Variants in DRP2 observed in about 807,000 individuals in gnomAD.
The protein encoded by DRP2 is dystrophin-related protein 2.
Under a neutral mutation model 78.2 loss-of-function variants are expected in DRP2, and 29 were observed. The ratio of observed to expected loss-of-function variants is 0.37; its 90% CI spans 0.28 to 0.51. The LOEUF is 0.51. Among genes scored for constraint, DRP2 ranks in the 20% least tolerant of loss-of-function variants. The probability of loss-of-function intolerance (pLI) is 0.94; values close to 1 mark genes in which losing one functional copy is unlikely to be tolerated. For synonymous variants in DRP2, 290 were observed against 281.9 expected, an observed-to-expected ratio of 1.03 and a Z score of -0.29; for missense variants, 686 against 770.6, an observed-to-expected ratio of 0.89 and a Z score of 1.30.
chrX:101,243,375 C>T (rs1336305368), intron 9 of DRP2, among the ~76,000 whole-genome samples: 1 of 89,381 alleles, frequency 1.1e-5, no homozygotes, highest in Non-Finnish European at 2.1e-5. Flanking sequence ...GCAGCCTGGG[C>T]GATAAGGATG....
At chrX:101,231,406 C>T (rs1243045423) in intron 2 of DRP2, 179 bp from the exon 3 acceptor site, 2 of 393,946 alleles carry the variant, frequency 5.1e-6, no homozygotes, top group African/African-American at 5.1e-5. Flanking sequence ...TATAGGTAAA[C>T]AATAAATGCT....
intron 3 of DRP2, among the ~76,000 whole-genome samples, chrX:101,234,052 G>A (rs908429819): frequency 1.8e-5 from 2 of 111,746 alleles, no homozygotes; most frequent in African/African-American, 3.3e-5. Flanking sequence ...CCTGCTTGCC[G>A]ATGCTGCCAT....
intron 22 of DRP2, among the ~76,000 whole-genome samples, chrX:101,258,965 A>G (rs1923450896): frequency 8.9e-6 from 1 of 112,312 alleles, no homozygotes; most frequent in Admixed American, 9.4e-5. Context: ...GAGAAAGATT[A>G]GTGCTATCTA....
chrX:101,231,807 A>G, intron 3 of DRP2, 43 bp downstream of exon 3: 1 of 1,114,860 alleles, frequency 9.0e-7, no homozygotes, highest in Non-Finnish European at 1.2e-6. Context: ...GAGAAAGTGG[A>G]CACAGGATCT....
At position 101,263,575 on chromosome X, in the gene DRP2, G is replaced by T. The variant is rs1923637100; in HGVS notation, c.*2954G>T. 1 of 112,225 alleles carries T rather than the reference G, an allele frequency of 8.9e-6. No individual in the cohort carries two copies. Among genetic ancestry groups the T allele is most frequent in the Non-Finnish European group, 1.9e-5 (1 of 53,222 alleles). The allele number at this position is 112,225 out of a possible 1,213,427, so 9.2% of individuals were successfully genotyped here. On this transcript the variant is annotated 3_prime_UTR_variant, in exon 24 of 24. Transcript: ENST00000395209. ...AGCAGAGTGGATTCACATTGATTGG[G>T]CATTGTCACGGAAGGCTGACTAGCT...
At position 101,244,249 on chromosome X, in the gene DRP2, G is replaced by A. The variant is rs142682032; in HGVS notation, c.1055-768G>A. On this transcript the variant is annotated intron_variant, in intron 9 of 23. Coordinates refer to ENST00000395209, the MANE Select transcript of DRP2 (RefSeq NM_001939.3). ...AATAATCCAGGTGAGGGATTATGGT[G>A]GCCCAGACTAGGGGGCTGGTAGCAG... Among the ~76,000 whole-genome samples the A allele has an allele frequency of 9.8e-4, 109 of 111,576 alleles. No individual in the cohort carries two copies. The East Asian group carries it at 0.015, about 15-fold the overall frequency.
At chrX:101,236,108 G>A (rs1402946141) in intron 4 of DRP2, 85 bp downstream of exon 4, 10 of 1,039,569 alleles carry the variant, frequency 9.6e-6, no homozygotes, top group Non-Finnish European at 1.3e-5. Flanking sequence ...CTCTCAGCCT[G>A]TGCATCCCCC....
intron 3 of DRP2, among the ~76,000 whole-genome samples, chrX:101,234,261 C>T (rs1343670053): frequency 8.9e-6 from 1 of 112,854 alleles, no homozygotes; most frequent in African/African-American, 3.2e-5. Flanking sequence ...AGAGTGAGCC[C>T]TTTGTGTCTT....
chrX:101,260,639 C>T lies in DRP2; in HGVS notation c.*18C>T. The stretch of plus-strand genomic sequence containing the variant: ...CCTCTTGATGGAGCCAGATCCCCAT[C>T]CTATAGTTCATAGTCCTCTCCTGGT... On this transcript the variant is annotated 3_prime_UTR_variant, in exon 24 of 24. Coordinates refer to ENST00000395209, the MANE Select transcript of DRP2 (RefSeq NM_001939.3). 1.7e-6 allele frequency: 2 copies of T among 1,201,541 alleles called. No homozygotes were observed. Among genetic ancestry groups the T allele is most frequent in the African/African-American group, 3.5e-5 (2 of 57,515 alleles).
chrX:101,253,539 CCTTT>C (rs1923215970), intron 17 of DRP2, among the ~76,000 whole-genome samples: 1 of 83,924 alleles, frequency 1.2e-5, no homozygotes, highest in Non-Finnish European at 2.2e-5. Flanking sequence ...TTTACTTTCA[CCTTT>C]TTTTTTTTTT....
intron 17 of DRP2, among the ~76,000 whole-genome samples, chrX:101,253,540 CTTTTTTT>C (rs138161868): frequency 3.7e-5 from 2 of 53,576 alleles, no homozygotes; most frequent in South Asian, 9.5e-4. Flanking sequence ...TTACTTTCAC[CTTTTTTT>C]TTTTTTTTTT....
rs189063995 is a variant in DRP2 at position 101,227,766 on chromosome X, A to C, written c.-64+3060A>C. 1.9e-4 allele frequency among the ~76,000 whole-genome samples: 21 copies of C among 112,057 alleles called. 1 individual carries two copies. The highest frequency in any genetic ancestry group is 1.1e-3 in the Admixed American group (12 of 10,535). ...GATAGTCATTTTAGGACCAGAAGAAATCTATTCCTTTTCTGCCTGTGTTAG... is the reference window on the plus strand; with the variant it reads ...GATAGTCATTTTAGGACCAGAAGAACTCTATTCCTTTTCTGCCTGTGTTAG... On this transcript the variant is annotated intron_variant, in intron 2 of 23. Coordinates refer to ENST00000395209, the MANE Select transcript of DRP2 (RefSeq NM_001939.3).
chrX:101,225,211 T>A (rs1453520739), intron 2 of DRP2, among the ~76,000 whole-genome samples: 2 of 111,299 alleles, frequency 1.8e-5, no homozygotes, highest in Admixed American at 9.6e-5. Flanking sequence ...ATTGCTTGTG[T>A]CTTTGCCTGG....
At chrX:101,248,412 G>C in intron 13 of DRP2, 102 bp from the exon 14 acceptor site, 1 of 1,108,472 alleles carries the variant, frequency 9.0e-7, no homozygotes, top group Non-Finnish European at 1.2e-6. Flanking sequence ...GGGCATGGTT[G>C]GAACAGGGCC....
chrX:101,232,344 G>A (rs1922336671), intron 3 of DRP2, among the ~76,000 whole-genome samples: 1 of 111,431 alleles, frequency 9.0e-6, no homozygotes, highest in African/African-American at 3.3e-5. Context: ...ACAGTAGAGA[G>A]GGCAGCCCCC....
chrX:101,254,275 C>A, intron 17 of DRP2, 150 bp from the exon 18 acceptor site: 1 of 717,411 alleles, frequency 1.4e-6, no homozygotes, highest in African/African-American at 2.2e-5. Flanking sequence ...TGGCATATAT[C>A]CTCCCAGACC....
At chrX:101,259,696 C>G (rs1489970449) in intron 22 of DRP2, among the ~76,000 whole-genome samples, 1 of 111,162 alleles carries the variant, frequency 9.0e-6, no homozygotes, top group African/African-American at 3.3e-5. Context: ...CGGGGTTTCT[C>G]CATGTTGGTT....
At chrX:101,228,858 C>T (rs1318037756) in intron 2 of DRP2, among the ~76,000 whole-genome samples, 3 of 110,646 alleles carry the variant, frequency 2.7e-5, no homozygotes, top group Admixed American at 9.6e-5. Context: ...GAGCCAAGAT[C>T]ACGCCAGTGC....
chrX:101,236,114 C>G (rs927456161), intron 4 of DRP2, 91 bp downstream of exon 4: 22 of 1,011,230 alleles, frequency 2.2e-5, no homozygotes, highest in Middle Eastern at 5.2e-4. Context: ...GCCTGTGCAT[C>G]CCCCTTTCCT....
Sources: gnomAD v4.1 joint callset for allele counts (sites outside exome capture counted in the v4.1 genomes callset) on GRCh38, gnomAD v4.1.1 for gene constraint, MANE v1.5 for transcripts, NCBI Gene and HGNC (gene_info 2026-07-23, HGNC 2026-07-21) for gene names.